IL11RA: variants seen among roughly 807,000 people sequenced by gnomAD.
IL11RA encodes the protein interleukin-11 receptor subunit alpha.
A neutral mutation model predicts 57.0 loss-of-function variants in IL11RA; 51 were observed. The observed-to-expected ratio is 0.89, with a 90% confidence interval of 0.71 to 1.13. IL11RA has a LOEUF of 1.13. Among genes scored for constraint, IL11RA ranks in the 50% most tolerant of loss-of-function variants. The probability of loss-of-function intolerance (pLI) is 0.00; values close to 1 mark genes in which losing one functional copy is unlikely to be tolerated. For synonymous variants in IL11RA, 199 were observed against 217.5 expected, an observed-to-expected ratio of 0.91 and a Z score of 0.75; for missense variants, 498 against 539.4, an observed-to-expected ratio of 0.92 and a Z score of 0.76.
chr9:34,660,978 C>A (rs1230829913), intron 12 of IL11RA, 42 bp downstream of exon 12: 3 of 1,516,770 alleles, frequency 2.0e-6, no homozygotes, highest in African/African-American at 1.4e-5. Flanking sequence ...GAGATGTTTG[C>A]CCCTATTTTG....
intron 12 of IL11RA, 111 bp downstream of exon 12, chr9:34,661,047 T>C (rs193156519): frequency 4.5e-6 from 4 of 885,818 alleles, no homozygotes; most frequent in Non-Finnish European, 7.6e-6. Flanking sequence ...GGAATCCAAG[T>C]TGGGTCTCCT....
chr9:34,659,215 G>A (rs1049874274), intron 8 of IL11RA, among the ~76,000 whole-genome samples: 23 of 152,140 alleles, frequency 1.5e-4, no homozygotes, highest in African/African-American at 5.3e-4. Context: ...GAGCCACGGC[G>A]CCCGGCCTAA....
intron 6 of IL11RA, 42 bp from the exon 7 acceptor site, chr9:34,657,379 A>G: frequency 2.5e-6 from 4 of 1,614,178 alleles, no homozygotes; most frequent in African/African-American, 1.3e-5. Flanking sequence ...TGGGTCCCAC[A>G]GTAGGCATTT....
intron 12 of IL11RA, 60 bp downstream of exon 12, chr9:34,660,996 A>G: frequency 7.3e-7 from 1 of 1,362,502 alleles, no homozygotes; most frequent in East Asian, 2.3e-5. Flanking sequence ...TTGAGTGTCC[A>G]GATTAAGAGC....
rs1227410701 is a variant in IL11RA at position 34,653,042 on chromosome 9, G to A, written c.-1+809G>A. Among the ~76,000 whole-genome samples, 1 of 152,040 alleles carries A rather than the reference G, an allele frequency of 6.6e-6. No homozygotes were observed. The highest frequency in any genetic ancestry group is 1.5e-5 in the Non-Finnish European group (1 of 68,024). On this transcript the variant is annotated intron_variant, in intron 1 of 12. Transcript: ENST00000441545. The surrounding 1 kb of genome is among the most constrained non-coding windows in gnomAD (Gnocchi z 4.5). ...TTCCTTTCTCTCTGTCTCTCTCTGT[G>A]CCCCTATGCCTGCCTTCCCTGCTGA...
rs1821416344 is a variant in IL11RA at position 34,659,786 on chromosome 9, A to G, written c.838A>G (p.Ile280Val). The G allele has an allele frequency of 1.2e-6, 2 of 1,614,186 alleles. No individual in the cohort carries two copies. The highest frequency in any genetic ancestry group is 1.7e-6 in the Non-Finnish European group (2 of 1,180,012). Residue 280 changes from isoleucine to valine, a missense_variant, in exon 9 of 13, where the codon ATC becomes GTC. Coordinates refer to ENST00000441545, the MANE Select transcript of IL11RA (RefSeq NM_001142784.3). ...TVEPAGLEEV[I>V]TDAVAGLPHA... ...GGAGCCAGCTGGACTGGAGGAGGTG[A>G]TCACAGATGCTGTGGCTGGGCTGCC...
chr9:34,656,985 C>G, intron 4 of IL11RA, 50 bp from the exon 5 acceptor site: 1 of 1,607,442 alleles, frequency 6.2e-7, no homozygotes, highest in Non-Finnish European at 8.5e-7. Flanking sequence ...CCTCTGGGAC[C>G]AGGAGGACCT....
rs751261670 is a variant in IL11RA, at chr9:34,658,591, T to G, written c.718T>G (p.Trp240Gly). ...TTACCCCCGACGCCTGCGAGCCAGC[T>G]GGACATACCCTGCCTCCTGGCCGTG... ...PGYPRRLRAS[W>G]TYPASWPCQP... Residue 240 changes from tryptophan (W) to glycine (G), a missense_variant, in exon 8 of 13, where the codon TGG becomes GGG. Coordinates refer to ENST00000441545, the MANE Select transcript of IL11RA (RefSeq NM_001142784.3). This position sits in a 1 kb window ranked among gnomAD's most constrained non-coding sequence, Gnocchi z 4.0. The G allele has an allele frequency of 6.2e-7, 1 of 1,614,194 alleles. No homozygotes were observed.
In IL11RA at chr9:34,660,542, TCTTTGGGAATCCTTTCTTTC is replaced by T. The variant is rs1821435680; in HGVS notation, c.1114_1133del (p.Leu372GlyfsTer65). ...TGTGGAGCAGGTAGCTGTGCTGGCGTCTTTGGGAATCCTTTCTTTCCTGGGACTGGTGGCTGGGGCCCTGG... is the reference window on the plus strand; with the variant it reads ...TGTGGAGCAGGTAGCTGTGCTGGCGTCTGGGACTGGTGGCTGGGGCCCTGG... On this transcript the variant is annotated frameshift_variant, in exon 11 of 13. Coordinates refer to ENST00000441545, the MANE Select transcript of IL11RA (RefSeq NM_001142784.3). LOFTEE classifies it high-confidence loss of function. The T allele has an allele frequency of 6.2e-7, 1 of 1,614,154 alleles. No homozygotes were observed.
Position 34,660,403 on chromosome 9 carries a change from G to C in IL11RA, c.1072+10G>C. The C allele has an allele frequency of 6.2e-7, 1 of 1,613,960 alleles. No individual in the cohort carries two copies. The highest frequency in any genetic ancestry group is 1.7e-4 in the Middle Eastern group (1 of 6,060). ...CACCCTCGGCTACTTGGTGAGCTTG[G>C]GCAGATGGGCAAGACTTGTAAAGGA... On this transcript the variant is annotated intron_variant, in intron 10 of 12. Transcript: ENST00000441545.
intron 11 of IL11RA, 56 bp downstream of exon 11, chr9:34,660,656 C>A: frequency 7.0e-7 from 1 of 1,429,292 alleles, no homozygotes; most frequent in Non-Finnish European, 9.9e-7. Context: ...CTCTGATGCC[C>A]ATAGACCACA....
At chr9:34,655,038 G>A in intron 1 of IL11RA, 180 bp from the exon 2 acceptor site, 1 of 637,800 alleles carries the variant, frequency 1.6e-6, no homozygotes, top group South Asian at 1.7e-5. Context: ...CACATGCAAA[G>A]CACTGGGTAT....
chr9:34,655,577 A>T, intron 2 of IL11RA, 28 bp from the exon 3 acceptor site: 1 of 1,608,604 alleles, frequency 6.2e-7, no homozygotes, highest in Middle Eastern at 1.7e-4. Flanking sequence ...GTAAAGGAAG[A>T]GCCTTACCTC....
intron 3 of IL11RA, 72 bp from the exon 4 acceptor site, chr9:34,656,667 G>T: frequency 6.4e-7 from 1 of 1,551,654 alleles, no homozygotes. Flanking sequence ...GAAGCCAATG[G>T]AGAGCTGTGG....
rs746331388 is a variant in IL11RA at position 34,660,583 on chromosome 9, C to T, written c.1152C>T (p.Ala384=). Residue 384 remains alanine, a synonymous_variant, in exon 11 of 13, where the codon GCC becomes GCT. Transcript: ENST00000441545. ...CTTTCCTGGGACTGGTGGCTGGGGCCCTGGCACTGGGGCTCTGGTAAGTGA... is the reference window on the plus strand; with the variant it reads ...CTTTCCTGGGACTGGTGGCTGGGGCTCTGGCACTGGGGCTCTGGTAAGTGA... The part of the protein sequence containing the change: ...ILSFLGLVAG[A]LALGLWLRLR... The T allele has an allele frequency of 2.5e-6, 4 of 1,613,922 alleles. No homozygotes were observed. In the Admixed American group the frequency reaches 6.7e-5, roughly 27 times the overall value.
intron 6 of IL11RA, 40 bp from the exon 7 acceptor site, chr9:34,657,381 T>G: frequency 6.2e-7 from 1 of 1,614,010 alleles, no homozygotes; most frequent in Non-Finnish European, 8.5e-7. Flanking sequence ...GGTCCCACAG[T>G]AGGCATTTTC....
Position 34,655,294 on chromosome 9 carries a change from G to A in IL11RA, c.77G>A (p.Cys26Tyr). ...GCCCTGGTGTCTGCCTCCTCCCCCT[G>A]CCCCCAGGCCTGGGGCCCCCCAGGT... ...ATALVSASSP[C>Y]PQAWGPPGVQ... The change falls in exon 2 of 13, where the codon TGC becomes TAC. Residue 26 changes from cysteine to tyrosine, a missense_variant. Coordinates refer to ENST00000441545, the MANE Select transcript of IL11RA (RefSeq NM_001142784.3). 1.9e-6 allele frequency: 3 copies of A among 1,609,412 alleles called. No homozygotes were observed. The highest frequency in any genetic ancestry group is 2.5e-6 in the Non-Finnish European group (3 of 1,177,418).
intron 5 of IL11RA, 53 bp downstream of exon 5, chr9:34,657,202 TGTG>T: frequency 1.2e-6 from 2 of 1,605,372 alleles, no homozygotes; most frequent in Non-Finnish European, 1.7e-6. Flanking sequence ...GCTGGTGCAA[TGTG>T]GGTGTGGGAG....
In IL11RA at chr9:34,660,162, G is replaced by T. The variant is rs529364586; in HGVS notation, c.953-112G>T. The stretch of plus-strand genomic sequence containing the variant: ...CTAGGAGCTGGCCATGCCCTATCAG[G>T]CTCCTCCTCCTAGGTACCTTGACTT... On this transcript the variant is annotated intron_variant, in intron 9 of 12. Coordinates refer to ENST00000441545, the MANE Select transcript of IL11RA (RefSeq NM_001142784.3). 9.9e-6 allele frequency: 15 copies of T among 1,507,866 alleles called. No individual in the cohort carries two copies. In the East Asian group the frequency reaches 2.9e-4, roughly 29 times the overall value. The allele number at this position is 1,507,866 out of a possible 1,614,324, so 93.4% of individuals were successfully genotyped here.
Sources: gnomAD v4.1 joint callset for allele counts (sites outside exome capture counted in the v4.1 genomes callset) on GRCh38, gnomAD v4.1.1 for gene constraint, Gnocchi (gnomAD v3.1) non-coding constraint, MANE v1.5 for transcripts, NCBI Gene and HGNC (gene_info 2026-07-23, HGNC 2026-07-21) for gene names.